The following SARS2 variants were observed in gnomAD, a reference collection of about 807,000 sequenced individuals.
The protein encoded by SARS2 is serine--tRNA ligase, mitochondrial.
Under a neutral mutation model 66.8 loss-of-function variants are expected in SARS2, and 52 were observed. That is an observed-to-expected ratio of 0.78 (90% CI 0.62 to 0.98). The LOEUF (loss-of-function observed/expected upper bound fraction) is 0.98, where lower values mean the gene tolerates loss of function less well. Among genes scored for constraint, SARS2 ranks in the 50% least tolerant of loss-of-function variants. The probability of loss-of-function intolerance (pLI) is 0.00; values close to 1 mark genes in which losing one functional copy is unlikely to be tolerated. For missense variants in SARS2, 673 were observed against 706.3 expected (o/e 0.95, Z 0.53); for synonymous variants, 306 against 281.4 (o/e 1.09, Z -0.87).
Position 38,921,240 on chromosome 19 carries a change from C to T in SARS2, c.589+152G>A, listed in dbSNP as rs114787848. Reference sequence around the variant, plus strand: ...CCGCCTCTCAGAGACAGCTCGAGCTCGGCCAAGGCAGGAAGCTGGAGCCAC... The same window carrying T: ...CCGCCTCTCAGAGACAGCTCGAGCTTGGCCAAGGCAGGAAGCTGGAGCCAC... On this transcript the variant is annotated intron_variant, in intron 5 of 15. Coordinates refer to ENST00000221431, the MANE Select transcript of SARS2 (RefSeq NM_017827.4). 1,126 of 790,142 alleles carry T rather than the reference C, an allele frequency of 1.4e-3. 11 individuals carry two copies. The African/African-American group carries it at 0.016, about 11-fold the overall frequency. The allele number at this position is 790,142 out of a possible 1,614,324, so 48.9% of individuals were successfully genotyped here. A position where few individuals can be genotyped will look rare whatever the true frequency, so the allele number is the denominator to read the frequency against.
At position 38,916,509 on chromosome 19, in the gene SARS2, G is replaced by A. The variant is rs1327986907; in HGVS notation, c.1161-195C>T. 2.0e-5 allele frequency among the ~76,000 whole-genome samples: 3 copies of A among 152,264 alleles called. No individual in the cohort carries two copies. The East Asian group carries it at 5.8e-4, about 29-fold the overall frequency. On this transcript the variant is annotated intron_variant, in intron 12 of 15. Coordinates refer to ENST00000221431, the MANE Select transcript of SARS2 (RefSeq NM_017827.4). ...AAAAAAAGGAGACGATAGTGCCAAAGGAGAGAGTTGTGAGGCCAGGGGTGG... is the reference window on the plus strand; with the variant it reads ...AAAAAAAGGAGACGATAGTGCCAAAAGAGAGAGTTGTGAGGCCAGGGGTGG...
rs765454387 is a variant in SARS2, at chr19:38,930,438, C to T, written c.267+32G>A. 7.6e-6 allele frequency: 12 copies of T among 1,576,362 alleles called. No individual in the cohort carries two copies. In the South Asian group the frequency reaches 1.2e-4, roughly 16 times the overall value. ...CCCAATTCTTCCGTAAAGCAAACGT[C>T]TGCGCCCCCCGGCCGGCGCAGGCGC... On this transcript the variant is annotated intron_variant, in intron 1 of 15. Transcript: ENST00000221431.
rs773038463 is a variant in SARS2 at position 38,916,322 on chromosome 19, C to T, written c.1161-8G>A. The T allele has an allele frequency of 1.2e-6, 2 of 1,613,284 alleles. No homozygotes were observed. Among genetic ancestry groups the T allele is most frequent in the Non-Finnish European group, 8.5e-7 (1 of 1,179,350 alleles). ...GTGGGCATATCCAGGACCCTGCGGT[C>T]AAGGACGAAGGTGTGGGGAAGGTCA... On this transcript the variant is annotated splice_region_variant and splice_polypyrimidine_tract_variant and intron_variant, in intron 12 of 15. Transcript: ENST00000221431.
rs747104657 is a variant in SARS2, at chr19:38,930,697, T to A, written c.40A>T (p.Thr14Ser). The A allele has an allele frequency of 2.5e-6, 4 of 1,613,762 alleles. No individual in the cohort carries two copies. Among genetic ancestry groups the A allele is most frequent in the East Asian group, 2.2e-5 (1 of 44,878 alleles). The change falls in exon 1 of 16, where the codon ACT becomes TCT. Residue 14 changes from threonine (T) to serine (S), a missense_variant. Thr to Ser is a moderately conservative substitution (Grantham distance 58). Coordinates refer to ENST00000221431, the MANE Select transcript of SARS2 (RefSeq NM_017827.4). ...SMARRLWPLL[T>S]RRGFRPRGGC... The stretch of plus-strand genomic sequence containing the variant: ...CCCCGGGGCCGGAACCCCCGACGAG[T>A]CAGCAAAGGCCACAAGCGCCGCGCC...
rs1267536685 is a variant in SARS2 at position 38,923,223 on chromosome 19, T to TC, written c.364-957_364-956insG. On this transcript the variant is annotated intron_variant, in intron 2 of 15. Transcript: ENST00000221431. ...CCCAGCCTGATCTCAGGTTTTCTTT[T>TC]TTTTTTTTTTTTTTTTGAGACGGAG... is the stretch of plus-strand genomic sequence containing the variant. Among the ~76,000 whole-genome samples the TC allele has an allele frequency of 4.4e-3, 487 of 111,790 alleles. 1 individual carries two copies. The highest frequency in any genetic ancestry group is 6.0e-3 in the African/African-American group (164 of 27,490). The allele number at this position is 111,790 out of a possible 152,430, so 73.3% of individuals were successfully genotyped here.
chr19:38,929,006 C>G (rs2144784127), intron 1 of SARS2, among the ~76,000 whole-genome samples: 1 of 152,110 alleles, frequency 6.6e-6, no homozygotes, highest in Admixed American at 6.5e-5. Context: ...CACTTGAGGT[C>G]AAGAGTTCGA....
rs1974535882 is a variant in SARS2 at position 38,921,525 on chromosome 19, A to G, written c.534+2T>C. ...CTCCCTGCCACCCAGCACGGTGCTCACCACGTCTGGGTGGGTCTGGTTGGG... is the reference window on the plus strand; with the variant it reads ...CTCCCTGCCACCCAGCACGGTGCTCGCCACGTCTGGGTGGGTCTGGTTGGG... On this transcript the variant is annotated splice_donor_variant, in intron 4 of 15. Coordinates refer to ENST00000221431, the MANE Select transcript of SARS2 (RefSeq NM_017827.4). LOFTEE classifies it high-confidence loss of function. 3 of 1,613,980 alleles carry G rather than the reference A, an allele frequency of 1.9e-6. No individual in the cohort carries two copies. The highest frequency in any genetic ancestry group is 2.5e-6 in the Non-Finnish European group (3 of 1,179,992).
chr19:38,918,442 G>C lies in SARS2; in HGVS notation c.896C>G (p.Thr299Arg). 1 of 1,614,160 alleles carries C rather than the reference G, an allele frequency of 6.2e-7. No homozygotes were observed. Among genetic ancestry groups the C allele is most frequent in the Non-Finnish European group, 8.5e-7 (1 of 1,179,974 alleles). The change falls in exon 9 of 16, where the codon ACA becomes AGA. Residue 299 changes from threonine to arginine, a missense_variant. Transcript: ENST00000221431. ...CTCACCTGCAAGCCCCACCTCCGCT[G>C]TTCCAGCCAGGTTGAGATCTTTGAA... is the stretch of plus-strand genomic sequence containing the variant. ...ARFKDLNLAGTAEVGLAGYFM... is the reference protein window; with the variant it reads ...ARFKDLNLAGRAEVGLAGYFM...
chr19:38,920,946 C>CACAGATAG (rs1974514767), intron 5 of SARS2, among the ~76,000 whole-genome samples: 1 of 108,790 alleles, frequency 9.2e-6, no homozygotes, highest in Non-Finnish European at 1.9e-5. Context: ...TAGACACACA[C>CACAGATAG]ACACAGACAC....
chr19:38,923,185 G>A (rs1200432038), intron 2 of SARS2, among the ~76,000 whole-genome samples: 6 of 141,920 alleles, frequency 4.2e-5, no homozygotes, highest in Middle Eastern at 4.9e-3. Context: ...GATTACAGGC[G>A]TGAGCCACCG....
chr19:38,921,854 G>T, intron 3 of SARS2, 187 bp from the exon 4 acceptor site: 1 of 1,322,864 alleles, frequency 7.6e-7, no homozygotes, highest in Non-Finnish European at 1.1e-6. Flanking sequence ...AAAAGAATCA[G>T]GCCTGGCCAA....
At position 38,917,921 on chromosome 19, in the gene SARS2, C is replaced by T. The variant is rs1444957859; in HGVS notation, c.1050G>A (p.Lys350=). The change falls in exon 11 of 16, where the codon AAG becomes AAA. Residue 350 remains lysine, a splice_region_variant and synonymous_variant. Coordinates refer to ENST00000221431, the MANE Select transcript of SARS2 (RefSeq NM_017827.4). ...CCCGTTTAGTCCCAGCGACACCAGCCTTGGTGAAGTGGTGTACTCGATACA... is the reference window on the plus strand; with the variant it reads ...CCCGTTTAGTCCCAGCGACACCAGCTTTGGTGAAGTGGTGTACTCGATACA... The part of the protein sequence containing the change: ...RGLYRVHHFT[K]VEMFGVTGPG... 6.2e-7 allele frequency: 1 copy of T among 1,612,402 alleles called. No homozygotes were observed. The highest frequency in any genetic ancestry group is 8.5e-7 in the Non-Finnish European group (1 of 1,179,228).
intron 3 of SARS2, 74 bp downstream of exon 3, chr19:38,922,164 G>A (rs1380367895): frequency 1.3e-6 from 2 of 1,597,948 alleles, no homozygotes; most frequent in Non-Finnish European, 1.7e-6. Context: ...TGTTACAATA[G>A]TAGAATCGTG....
chr19:38,919,990 T>C lies in SARS2; in HGVS notation c.653+96A>G, dbSNP rs113658556. The C allele has an allele frequency of 2.0e-5, 27 of 1,383,020 alleles. 1 individual carries two copies. The highest frequency in any genetic ancestry group is 1.3e-4 in the African/African-American group (9 of 69,798). The allele number at this position is 1,383,020 out of a possible 1,614,324, so 85.7% of individuals were successfully genotyped here. A position where few individuals can be genotyped will look rare whatever the true frequency, so the allele number is the denominator to read the frequency against. Reference sequence around the variant, plus strand: ...GCTGGGGCATCAAAGATTCATGGCATTTCCACATCTCACGCTGAGGCCAAT... The same window carrying C: ...GCTGGGGCATCAAAGATTCATGGCACTTCCACATCTCACGCTGAGGCCAAT... On this transcript the variant is annotated intron_variant, in intron 6 of 15. Coordinates refer to ENST00000221431, the MANE Select transcript of SARS2 (RefSeq NM_017827.4).
In SARS2 at chr19:38,918,408, A is replaced by T; in HGVS notation, c.916+14T>A. On this transcript the variant is annotated intron_variant, in intron 9 of 15. Transcript: ENST00000221431. ...TCACTCCTGCTCCTCCCCACCACCC[A>T]CACAGGTCCTCACCTGCAAGCCCCA... 1 of 1,586,886 alleles carries T rather than the reference A, an allele frequency of 6.3e-7. No homozygotes were observed. The highest frequency in any genetic ancestry group is 8.5e-7 in the Non-Finnish European group (1 of 1,172,518).
intron 1 of SARS2, among the ~76,000 whole-genome samples, chr19:38,926,515 G>C (rs1178093398): frequency 6.6e-6 from 1 of 152,250 alleles, no homozygotes; most frequent in Non-Finnish European, 1.5e-5. Flanking sequence ...GCCGAGCATA[G>C]TGGCTCATAA....
intron 7 of SARS2, 109 bp from the exon 8 acceptor site, chr19:38,918,922 G>C: frequency 9.0e-7 from 1 of 1,108,808 alleles, no homozygotes; most frequent in East Asian, 2.6e-5. Context: ...ACGAAACTGA[G>C]GCAGGGGCTG....
At chr19:38,923,842 C>T (rs563021188) in intron 2 of SARS2, among the ~76,000 whole-genome samples, 23 of 152,102 alleles carry the variant, frequency 1.5e-4, no homozygotes, top group Admixed American at 3.9e-4. Flanking sequence ...GGCGCGGTGG[C>T]GGGCGCCTGT....
chr19:38,922,411 G>A lies in SARS2; in HGVS notation c.364-144C>T. 3.9e-6 allele frequency: 3 copies of A among 779,022 alleles called. No homozygotes were observed. The South Asian group carries it at 4.3e-5, about 11-fold the overall frequency. 48.3% of individuals were successfully genotyped at this position (779,022 alleles called of 1,614,324 possible). A position where few individuals can be genotyped will look rare whatever the true frequency, so the allele number is the denominator to read the frequency against. On this transcript the variant is annotated intron_variant, in intron 2 of 15. Coordinates refer to ENST00000221431, the MANE Select transcript of SARS2 (RefSeq NM_017827.4). ...TAGCTGGGTCCCTCTGCAACTCTGT[G>A]TTTCTGTTTCTCTATTGCTAACGCT...
Sources: gnomAD v4.1 joint callset for allele counts (sites outside exome capture counted in the v4.1 genomes callset) on GRCh38, gnomAD v4.1.1 for gene constraint, MANE v1.5 for transcripts, NCBI Gene and HGNC (gene_info 2026-07-23, HGNC 2026-07-21) for gene names.